SLC1A2: variants seen among roughly 807,000 people sequenced by gnomAD.
The protein encoded by SLC1A2 is excitatory amino acid transporter 2.
A neutral mutation model predicts 48.8 loss-of-function variants in SLC1A2; 15 were observed. The observed-to-expected ratio is 0.31, with a 90% confidence interval of 0.21 to 0.47. The LOEUF is 0.47. SLC1A2 is among the 20% of genes least tolerant of loss of function. The pLI is 0.99. For synonymous variants in SLC1A2, 279 were observed against 272.6 expected (o/e 1.02, Z -0.23); for missense variants, 502 against 730.5 (o/e 0.69, Z 3.61).
At chr11:35,391,970 C>T (rs983203014) in intron 1 of SLC1A2, among the ~76,000 whole-genome samples, 2 of 152,106 alleles carry the variant, frequency 1.3e-5, no homozygotes, top group African/African-American at 4.8e-5. Flanking sequence ...AAGTCCAATG[C>T]GCTATCCATT....
At chr11:35,369,551 T>C (rs938191781) in intron 1 of SLC1A2, among the ~76,000 whole-genome samples, 1 of 152,196 alleles carries the variant, frequency 6.6e-6, no homozygotes, top group Non-Finnish European at 1.5e-5. Context: ...AGCTAAATGG[T>C]CTGACATTTT....
chr11:35,263,750 C>T (rs1190823347), intron 10 of SLC1A2, among the ~76,000 whole-genome samples: 1 of 152,156 alleles, frequency 6.6e-6, no homozygotes, highest in Non-Finnish European at 1.5e-5. Flanking sequence ...CAAGTCTTAT[C>T]ATCATTACAA....
At chr11:35,300,438 T>A (rs1201831741) in intron 6 of SLC1A2, among the ~76,000 whole-genome samples, 1 of 152,238 alleles carries the variant, frequency 6.6e-6, no homozygotes, top group Non-Finnish European at 1.5e-5. Flanking sequence ...GATTAGGTGA[T>A]GAGGGCTGTG....
intron 1 of SLC1A2, among the ~76,000 whole-genome samples, chr11:35,381,692 G>T (rs531747033): frequency 1.3e-5 from 2 of 152,302 alleles, no homozygotes; most frequent in Admixed American, 6.5e-5. Flanking sequence ...AGCCCCCTCA[G>T]CGAGGCCCCC....
At chr11:35,306,830 G>T (rs1030872879) in intron 4 of SLC1A2, among the ~76,000 whole-genome samples, 1 of 152,098 alleles carries the variant, frequency 6.6e-6, no homozygotes, top group Non-Finnish European at 1.5e-5. Flanking sequence ...GATAACGACC[G>T]CCAGTCTTAT....
chr11:35,296,360 G>T (rs115161577), intron 6 of SLC1A2, among the ~76,000 whole-genome samples: 1,708 of 152,322 alleles, frequency 0.011, 35 homozygotes, highest in African/African-American at 0.039. Context: ...TCTGTGCTCA[G>T]AAAGTATCAC....
chr11:35,401,548 G>A lies in SLC1A2; in HGVS notation c.17+17402C>T, dbSNP rs150708866. Among the ~76,000 whole-genome samples the A allele has an allele frequency of 5.9e-5, 9 of 152,236 alleles. 1 individual carries two copies. The highest frequency in any genetic ancestry group is 5.8e-4 in the East Asian group (3 of 5,186). On this transcript the variant is annotated intron_variant, in intron 1 of 10. Coordinates refer to ENST00000278379, the MANE Select transcript of SLC1A2 (RefSeq NM_004171.4). The stretch of plus-strand genomic sequence containing the variant: ...CATCCTCATCATGGCCTAAACCAGC[G>A]TTTCAGGTTTGCTTTAGAATGCCCT...
chr11:35,307,740 T>C (rs1851557952), intron 4 of SLC1A2, among the ~76,000 whole-genome samples: 1 of 152,242 alleles, frequency 6.6e-6, no homozygotes, highest in Non-Finnish European at 1.5e-5. Flanking sequence ...TATGTTAAGC[T>C]ATAGGGACCC....
chr11:35,382,374 A>C (rs1286391028), intron 1 of SLC1A2, among the ~76,000 whole-genome samples: 1 of 152,246 alleles, frequency 6.6e-6, no homozygotes, highest in Non-Finnish European at 1.5e-5. Context: ...GTGATTCTTC[A>C]AGATGGGCCA....
Position 35,259,361 on chromosome 11 carries a change from T to C in SLC1A2, c.*1533A>G, listed in dbSNP as rs985687189. 2.0e-5 allele frequency: 3 copies of C among 152,640 alleles called. No homozygotes were observed. The highest frequency in any genetic ancestry group is 4.4e-5 in the Non-Finnish European group (3 of 68,048). The allele number at this position is 152,640 out of a possible 1,614,324, so 9.5% of individuals were successfully genotyped here. Reference sequence around the variant, plus strand: ...GTTCTACATACTTCTTAGAGTCAAATGTGCTTTATTTCTCAATGATTCAAG... The same window carrying C: ...GTTCTACATACTTCTTAGAGTCAAACGTGCTTTATTTCTCAATGATTCAAG... On this transcript the variant is annotated 3_prime_UTR_variant, in exon 11 of 11. Transcript: ENST00000278379.
intron 1 of SLC1A2, among the ~76,000 whole-genome samples, chr11:35,328,108 A>G (rs1303534180): frequency 1.3e-5 from 2 of 152,160 alleles, no homozygotes; most frequent in Non-Finnish European, 2.9e-5. Context: ...CTTGGACAAT[A>G]TATGCTGCTG....
rs935709986 is a variant in SLC1A2 at position 35,314,393 on chromosome 11, A to G, written c.310+630T>C. ...ACCTTTATCAGTATCTGAACAAAAT[A>G]TAATTTAGAAAGGGGAGAAAAGTAG... On this transcript the variant is annotated intron_variant, in intron 3 of 10. Coordinates refer to ENST00000278379, the MANE Select transcript of SLC1A2 (RefSeq NM_004171.4). Among the ~76,000 whole-genome samples the G allele has an allele frequency of 6.6e-5, 10 of 152,066 alleles. 1 individual carries two copies. The highest frequency in any genetic ancestry group is 1.5e-4 in the Non-Finnish European group (10 of 68,044).
intron 1 of SLC1A2, among the ~76,000 whole-genome samples, chr11:35,379,174 A>G: frequency 6.6e-6 from 1 of 152,198 alleles, no homozygotes; most frequent in East Asian, 1.9e-4. Flanking sequence ...GGTTGCAGTG[A>G]GACGAGATCA....
At chr11:35,331,052 TAG>T (rs985978198) in intron 1 of SLC1A2, among the ~76,000 whole-genome samples, 7 of 152,186 alleles carry the variant, frequency 4.6e-5, no homozygotes, top group Non-Finnish European at 7.4e-5. Context: ...GTGATAGACA[TAG>T]AGAGTTTCCT....
At chr11:35,356,270 T>C (rs1233271308) in intron 1 of SLC1A2, among the ~76,000 whole-genome samples, 5 of 152,220 alleles carry the variant, frequency 3.3e-5, no homozygotes, top group Non-Finnish European at 7.3e-5. Context: ...ACCCATACAA[T>C]ATCCCTAATT....
intron 4 of SLC1A2, among the ~76,000 whole-genome samples, chr11:35,309,277 G>A (rs1054755504): frequency 2.0e-5 from 3 of 152,096 alleles, no homozygotes; most frequent in African/African-American, 4.8e-5. Flanking sequence ...TTGGGGCAGG[G>A]TCCTCATCTG....
intron 1 of SLC1A2, among the ~76,000 whole-genome samples, chr11:35,347,140 TAA>T (rs913815945): frequency 6.6e-6 from 1 of 152,126 alleles, no homozygotes; most frequent in South Asian, 2.1e-4. Flanking sequence ...TTGGGAGGGA[TAA>T]GAGTTTAACC....
At position 35,399,721 on chromosome 11, in the gene SLC1A2, C is replaced by A. The variant is rs536760641; in HGVS notation, c.17+19229G>T. 13 of 385,682 alleles carry A rather than the reference C, an allele frequency of 3.4e-5. No homozygotes were observed. In the East Asian group the frequency reaches 2.1e-3, roughly 63 times the overall value. 23.9% of individuals were successfully genotyped at this position (385,682 alleles called of 1,614,324 possible). ...AGAAGAAACCAGCCCTGAATAAAGT[C>A]GGGAGCCACCATTTTAGAGAAAGTA... On this transcript the variant is annotated intron_variant, in intron 1 of 10. Coordinates refer to ENST00000278379, the MANE Select transcript of SLC1A2 (RefSeq NM_004171.4).
At chr11:35,306,050 A>ATC (rs1851493142) in intron 5 of SLC1A2, 24 bp downstream of exon 5, 1 of 1,610,248 alleles carries the variant, frequency 6.2e-7, no homozygotes, top group African/African-American at 1.3e-5. Flanking sequence ...GGGAAGCAGA[A>ATC]TCCCGGACCA....
Sources: allele counts gnomAD v4.1 joint callset (sites outside exome capture counted in the v4.1 genomes callset), GRCh38; gene constraint gnomAD v4.1.1; transcripts MANE v1.5; gene names NCBI Gene and HGNC (gene_info 2026-07-23, HGNC 2026-07-21).